CRLF3: variants seen among roughly 807,000 people sequenced by gnomAD.
CRLF3 encodes cytokine receptor-like factor 3.
CRLF3 carries 33 observed loss-of-function variants against 55.0 expected under a neutral mutation model. The observed-to-expected ratio is 0.60, with a 90% CI of 0.46 to 0.80. The LOEUF is 0.80. CRLF3 is among the 30% of genes least tolerant of loss of function. The probability of loss-of-function intolerance (pLI) is 0.00; values close to 1 mark genes in which losing one functional copy is unlikely to be tolerated. For synonymous variants in CRLF3, 238 were observed against 196.8 expected, an observed-to-expected ratio of 1.21 and a Z score of -1.75; for missense variants, 494 against 538.4, an observed-to-expected ratio of 0.92 and a Z score of 0.82.
rs560235269 is a variant in CRLF3 at position 30,813,984 on chromosome 17, T to C, written c.130-9876A>G. On this transcript the variant is annotated intron_variant, in intron 1 of 7. Transcript: ENST00000324238. ...TAATAAAAAAAGGCTGGGTTGGGTG[T>C]GGTGGCTCTCACTTGTAATCCCAGC... 2.0e-3 allele frequency among the ~76,000 whole-genome samples: 309 copies of C among 152,236 alleles called. 1 individual carries two copies. The highest frequency in any genetic ancestry group is 7.1e-3 in the African/African-American group (296 of 41,530).
At chr17:30,796,422 G>T in intron 3 of CRLF3, 85 bp from the exon 4 acceptor site, 1 of 998,302 alleles carries the variant, frequency 1.0e-6, no homozygotes, top group Non-Finnish European at 1.4e-6. Flanking sequence ...TCACATGCTT[G>T]AAAGATCCTG....
chr17:30,803,795 T>C, intron 2 of CRLF3, 106 bp downstream of exon 2: 1 of 855,648 alleles, frequency 1.2e-6, no homozygotes, highest in Non-Finnish European at 1.9e-6. Context: ...AACTGTAAGT[T>C]CATTAAACCT....
chr17:30,813,162 C>G (rs917793267), intron 1 of CRLF3, among the ~76,000 whole-genome samples: 1 of 152,280 alleles, frequency 6.6e-6, no homozygotes, highest in Admixed American at 6.5e-5. Context: ...AAAAAATACA[C>G]GCTTAATTCT....
At chr17:30,797,782 T>G (rs28576220) in intron 2 of CRLF3, among the ~76,000 whole-genome samples, 64 of 115,094 alleles carry the variant, frequency 5.6e-4, no homozygotes, top group Non-Finnish European at 9.7e-4. Context: ...GGTGTTTTTT[T>G]TTTTTTTTTT....
At position 30,790,243 on chromosome 17, in the gene CRLF3, A is replaced by C. The variant is rs1477379211; in HGVS notation, c.959+2197T>G. ...ACTTGGGTCAAGCATTCACAATAAA[A>C]TCCCATCTCAAGACTTAAAACTTAG... On this transcript the variant is annotated intron_variant, in intron 6 of 7. Transcript: ENST00000324238. Among the ~76,000 whole-genome samples, 7 of 152,098 alleles carry C rather than the reference A, an allele frequency of 4.6e-5. No individual in the cohort carries two copies. In the East Asian group the frequency reaches 1.3e-3, roughly 29 times the overall value.
chr17:30,797,266 G>A (rs145286075), intron 3 of CRLF3, 45 bp downstream of exon 3: 2 of 1,326,826 alleles, frequency 1.5e-6, no homozygotes, highest in Admixed American at 1.7e-5. Flanking sequence ...AGCAGACATA[G>A]TTTAAATGCT....
chr17:30,802,404 G>C (rs1972020777), intron 2 of CRLF3, among the ~76,000 whole-genome samples: 1 of 151,334 alleles, frequency 6.6e-6, no homozygotes, highest in Non-Finnish European at 1.5e-5. Flanking sequence ...ACAGGCGTGA[G>C]CCACCGTGCC....
At chr17:30,819,453 C>A (rs896582431) in intron 1 of CRLF3, among the ~76,000 whole-genome samples, 1 of 152,186 alleles carries the variant, frequency 6.6e-6, no homozygotes, top group Non-Finnish European at 1.5e-5. Flanking sequence ...GACATCACTA[C>A]GTGACATTTT....
At chr17:30,815,837 C>T (rs1406221521) in intron 1 of CRLF3, among the ~76,000 whole-genome samples, 2 of 151,360 alleles carry the variant, frequency 1.3e-5, no homozygotes, top group African/African-American at 2.4e-5. Flanking sequence ...AGCCACTGAG[C>T]CCGGCCAGAA....
chr17:30,797,372 C>G lies in CRLF3; in HGVS notation c.364G>C (p.Gly122Arg), dbSNP rs767143970. Residue 122 changes from glycine (G) to arginine (R), a missense_variant, in exon 3 of 8, where the codon GGA (glycine) becomes CGA (arginine). Physicochemically the swap from Gly to Arg is moderately radical, Grantham distance 125 (BLOSUM62 -2). Coordinates refer to ENST00000324238, the MANE Select transcript of CRLF3 (RefSeq NM_015986.4). Reference protein sequence around the residue: ...EGEIAMLGGVGEENEKLWSFT... With the variant: ...EGEIAMLGGVREENEKLWSFT... ...CTCCACAGTTTCTCATTCTCTTCTCCCACACCACCAAGCATGGCGATTTCA... is the reference window on the plus strand; with the variant it reads ...CTCCACAGTTTCTCATTCTCTTCTCGCACACCACCAAGCATGGCGATTTCA... The G allele has an allele frequency of 6.2e-7, 1 of 1,613,820 alleles. No individual in the cohort carries two copies. Among genetic ancestry groups the G allele is most frequent in the Admixed American group, 1.7e-5 (1 of 59,984 alleles).
intron 6 of CRLF3, chr17:30,790,528 C>T (rs1406706868): frequency 6.7e-6 from 1 of 149,710 alleles, no homozygotes; most frequent in Non-Finnish European, 1.5e-5. Flanking sequence ...AATATGTTTA[C>T]AGTGTTGTCT....
chr17:30,815,515 C>T (rs922347083), intron 1 of CRLF3, among the ~76,000 whole-genome samples: 1 of 150,652 alleles, frequency 6.6e-6, no homozygotes, highest in Non-Finnish European at 1.5e-5. Flanking sequence ...AACCACCCTG[C>T]CCGACCAGAA....
At chr17:30,788,206 T>C (rs1971694382) in intron 6 of CRLF3, among the ~76,000 whole-genome samples, 1 of 151,386 alleles carries the variant, frequency 6.6e-6, no homozygotes, top group South Asian at 2.1e-4. Context: ...CAGGCGCCTG[T>C]AGTCCCAGCT....
At chr17:30,803,616 G>C (rs1446790038) in intron 2 of CRLF3, 1 of 312,096 alleles carries the variant, frequency 3.2e-6, no homozygotes, top group East Asian at 7.1e-5. Context: ...ATTGAATCAT[G>C]GGGGCAGTTT....
chr17:30,799,365 A>AT (rs1351279953), intron 2 of CRLF3, among the ~76,000 whole-genome samples: 1 of 151,924 alleles, frequency 6.6e-6, no homozygotes, highest in South Asian at 2.1e-4. Flanking sequence ...CCTCAAAGGG[A>AT]TTTTTTCTTT....
chr17:30,808,825 C>A (rs143541497), intron 1 of CRLF3, among the ~76,000 whole-genome samples: 6,544 of 151,242 alleles, frequency 0.043, 365 homozygotes, highest in African/African-American at 0.13. Flanking sequence ...GAACTCCTGA[C>A]CTTGTGATCT....
chr17:30,782,817 T>A lies in CRLF3; in HGVS notation c.*1370A>T, dbSNP rs150467009. On this transcript the variant is annotated 3_prime_UTR_variant, in exon 8 of 8. Transcript: ENST00000324238. ...AAAGACAAGTAGAAAAGGTCATGAT[T>A]GTCTAACAGGGAACATGAATCCCCA... is the stretch of plus-strand genomic sequence containing the variant. 17 of 152,294 alleles carry A rather than the reference T, an allele frequency of 1.1e-4. No individual in the cohort carries two copies. In the East Asian group the frequency reaches 3.3e-3, roughly 29 times the overall value. 9.4% of individuals were successfully genotyped at this position (152,294 alleles called of 1,614,324 possible).
intron 1 of CRLF3, among the ~76,000 whole-genome samples, chr17:30,810,385 G>A (rs1430354975): frequency 1.3e-5 from 2 of 152,016 alleles, no homozygotes; most frequent in Non-Finnish European, 2.9e-5. Flanking sequence ...GGCCAACATG[G>A]TGAAACCCCG....
intron 4 of CRLF3, among the ~76,000 whole-genome samples, chr17:30,795,223 G>A (rs199957003): frequency 1.5e-4 from 23 of 152,074 alleles, no homozygotes; most frequent in Non-Finnish European, 2.8e-4. Flanking sequence ...GCTCACACCT[G>A]TAATCCCAGC....
Sources: allele counts gnomAD v4.1 joint callset (sites outside exome capture counted in the v4.1 genomes callset), GRCh38; gene constraint gnomAD v4.1.1; transcripts MANE v1.5; gene names NCBI Gene and HGNC (gene_info 2026-07-23, HGNC 2026-07-21).